Variants in ZFHX3 observed in about 807,000 individuals in gnomAD.
The protein encoded by ZFHX3 is zinc finger homeobox protein 3.
ZFHX3 carries 42 observed loss-of-function variants against 279.1 expected under a neutral mutation model. The observed-to-expected ratio is 0.15, with a 90% confidence interval of 0.12 to 0.19. The LOEUF is 0.19. ZFHX3 is among the 10% of genes least tolerant of loss of function. The pLI is 1.00. For synonymous variants in ZFHX3, 2,293 were observed against 1,957.8 expected (o/e 1.17, Z -4.52); for missense variants, 4,981 against 4,754.0 (o/e 1.05, Z -1.40).
chr16:73,028,252 T>TA (rs566506917), intron 1 of ZFHX3, among the ~76,000 whole-genome samples: 101 of 152,198 alleles, frequency 6.6e-4, no homozygotes, highest in South Asian at 2.3e-3. Flanking sequence ...ACCTCCTATT[T>TA]AGAGAAATGA....
intron 4 of ZFHX3, among the ~76,000 whole-genome samples, chr16:72,861,802 G>A (rs1210016726): frequency 1.3e-5 from 2 of 152,066 alleles, no homozygotes; most frequent in African/African-American, 4.8e-5. Flanking sequence ...GTCACTTAAG[G>A]TCAGGAGTTC....
chr16:72,947,644 C>A (rs1182943340), intron 3 of ZFHX3, among the ~76,000 whole-genome samples: 1 of 151,800 alleles, frequency 6.6e-6, no homozygotes, highest in African/African-American at 2.4e-5. Flanking sequence ...CTAGGTGCCG[C>A]GGAGAGCAGC....
chr16:73,637,777 T>A (rs996501162), intron 2 of ZFHX3, among the ~76,000 whole-genome samples: 1 of 152,052 alleles, frequency 6.6e-6, no homozygotes, highest in South Asian at 2.1e-4. Context: ...AGTTTGCATA[T>A]TGCATAAAAG....
intron 2 of ZFHX3, among the ~76,000 whole-genome samples, chr16:73,647,653 A>G (rs1360741202): frequency 3.3e-5 from 5 of 152,148 alleles, no homozygotes; most frequent in Non-Finnish European, 5.9e-5. Context: ...GAAATAGACT[A>G]TACATTAAAG....
At chr16:73,869,735 G>A (rs1962115252) in intron 1 of ZFHX3, among the ~76,000 whole-genome samples, 1 of 152,196 alleles carries the variant, frequency 6.6e-6, no homozygotes, top group Non-Finnish European at 1.5e-5. Context: ...TAAAGCTGTG[G>A]AGGTAACAGT....
chr16:73,860,241 C>A (rs114489036), intron 1 of ZFHX3, among the ~76,000 whole-genome samples: 1,939 of 152,276 alleles, frequency 0.013, 35 homozygotes, highest in African/African-American at 0.045. Flanking sequence ...TAATGTTCCC[C>A]CAAGTATGTG....
chr16:73,860,073 T>C (rs1188475584), intron 1 of ZFHX3, among the ~76,000 whole-genome samples: 1 of 152,224 alleles, frequency 6.6e-6, no homozygotes, highest in Non-Finnish European at 1.5e-5. Context: ...GCCTTGATCA[T>C]TGCCGGATGT....
intron 1 of ZFHX3, among the ~76,000 whole-genome samples, chr16:73,793,797 C>A (rs1300473263): frequency 6.6e-6 from 1 of 152,174 alleles, no homozygotes; most frequent in African/African-American, 2.4e-5. Flanking sequence ...AATGTTATTT[C>A]TCATTCTCAG....
intron 1 of ZFHX3, among the ~76,000 whole-genome samples, chr16:73,031,813 C>T (rs1003134168): frequency 6.6e-6 from 1 of 152,048 alleles, no homozygotes. Context: ...GTGACCCTTG[C>T]TAGAAGGAGA....
chr16:72,956,738 A>G (rs1327818506), intron 2 of ZFHX3, among the ~76,000 whole-genome samples: 3 of 146,798 alleles, frequency 2.0e-5, no homozygotes, highest in Non-Finnish European at 4.5e-5. Context: ...CTCATTTTTC[A>G]TCTCTCACAC....
At chr16:73,400,207 T>C (rs1428062117) in intron 3 of ZFHX3, 2 of 152,088 alleles carry the variant, frequency 1.3e-5, no homozygotes, top group Admixed American at 6.6e-5. Context: ...AGAGAAGATA[T>C]AAGTTCCTGC....
intron 1 of ZFHX3, among the ~76,000 whole-genome samples, chr16:73,882,589 C>G (rs190318995): frequency 1.3e-5 from 2 of 152,004 alleles, no homozygotes; most frequent in African/African-American, 4.8e-5. Context: ...ATTTCTACAG[C>G]AACATTTTAT....
chr16:73,299,111 G>A (rs1037360435), intron 4 of ZFHX3, among the ~76,000 whole-genome samples: 3 of 152,042 alleles, frequency 2.0e-5, no homozygotes, highest in African/African-American at 4.8e-5. Context: ...ACTGGGGTCC[G>A]GTTACCAGCC....
Position 72,797,261 on chromosome 16 carries a change from G to A in ZFHX3, c.5421C>T (p.Phe1807=), listed in dbSNP as rs1254576716. The A allele has an allele frequency of 6.2e-7, 1 of 1,613,230 alleles. No homozygotes were observed. The highest frequency in any genetic ancestry group is 1.7e-5 in the Admixed American group (1 of 59,992). The change falls in exon 9 of 10, where the codon TTC becomes TTT. Residue 1807 remains phenylalanine (F), a synonymous_variant. Coordinates refer to ENST00000268489, the MANE Select transcript of ZFHX3 (RefSeq NM_006885.4). ...LFPFYIPSAE[F]QLNPEVSLPV... ...GCAAGCTCACCTCGGGGTTAAGCTGGAACTCAGCACTGGGGATGTAGAAAG... is the reference window on the plus strand; with the variant it reads ...GCAAGCTCACCTCGGGGTTAAGCTGAAACTCAGCACTGGGGATGTAGAAAG...
chr16:73,598,145 A>G (rs936972938), intron 2 of ZFHX3, among the ~76,000 whole-genome samples: 1 of 152,144 alleles, frequency 6.6e-6, no homozygotes, highest in South Asian at 2.1e-4. Context: ...GAAGGGAGGG[A>G]CAGGACAGTT....
intron 3 of ZFHX3, among the ~76,000 whole-genome samples, chr16:73,407,952 A>C (rs1013796132): frequency 6.6e-6 from 1 of 151,932 alleles, no homozygotes; most frequent in African/African-American, 2.4e-5. Flanking sequence ...GAAAGCAAAC[A>C]GCAGTTGGGG....
chr16:73,601,459 G>C (rs2052116896), intron 2 of ZFHX3, among the ~76,000 whole-genome samples: 1 of 130,842 alleles, frequency 7.6e-6, no homozygotes, highest in African/African-American at 2.6e-5. Context: ...GACAGACTGA[G>C]ACTCCATCTC....
chr16:73,440,338 C>A (rs1044192571), intron 3 of ZFHX3, among the ~76,000 whole-genome samples: 1 of 152,180 alleles, frequency 6.6e-6, no homozygotes, highest in Admixed American at 6.5e-5. Context: ...GCATTTGAGT[C>A]CATGGGTGAA....
At chr16:73,585,965 A>G (rs2051921835) in intron 2 of ZFHX3, among the ~76,000 whole-genome samples, 1 of 152,244 alleles carries the variant, frequency 6.6e-6, no homozygotes, top group African/African-American at 2.4e-5. Context: ...GAAGGTAAGG[A>G]GGAAATAAAA....
Sources: allele counts gnomAD v4.1 joint callset (sites outside exome capture counted in the v4.1 genomes callset), GRCh38; gene constraint gnomAD v4.1.1; transcripts MANE v1.5; gene names NCBI Gene and HGNC (gene_info 2026-07-23, HGNC 2026-07-21).